Variants in ZNF718 observed in about 807,000 individuals in gnomAD.
The protein encoded by ZNF718 is zinc finger protein 718.
ZNF718 carries 3 observed loss-of-function variants against 2.6 expected under a neutral mutation model. The observed-to-expected ratio is 1.16, with a 90% CI of 0.53 to 3.01. ZNF718 has a LOEUF of 3.01. Among genes scored for constraint, ZNF718 ranks in the 30% most tolerant of loss-of-function variants. ZNF718 has a pLI of 0.03. For synonymous variants in ZNF718, 135 were observed against 77.9 expected (o/e 1.73, Z -3.86); for missense variants, 468 against 230.0 (o/e 2.03, Z -6.69).
intron 3 of ZNF718, among the ~76,000 whole-genome samples, chr4:170,166 A>G (rs1455055893): frequency 6.6e-6 from 1 of 152,228 alleles, no homozygotes; most frequent in Admixed American, 6.5e-5. Context: ...AAGAATGTTG[A>G]ATATTGGCCC....
chr4:144,944 AT>A (rs201228705), intron 3 of ZNF718, among the ~76,000 whole-genome samples: 27 of 149,900 alleles, frequency 1.8e-4, no homozygotes, highest in South Asian at 4.2e-4. Flanking sequence ...TTTGTGACAG[AT>A]TTTTTTTTTC....
At chr4:157,286 A>G (rs1716618173) in intron 3 of ZNF718, among the ~76,000 whole-genome samples, 1 of 150,796 alleles carries the variant, frequency 6.6e-6, no homozygotes, top group Admixed American at 6.6e-5. Context: ...CTAATTTTGT[A>G]TGTTTTTAGT....
intron 3 of ZNF718, among the ~76,000 whole-genome samples, chr4:137,410 A>T (rs144426600): frequency 6.7e-6 from 1 of 149,412 alleles, no homozygotes; most frequent in African/African-American, 2.5e-5. Context: ...GAATAACTTC[A>T]TTTTTTTTTT....
At chr4:172,638 G>A (rs1183941535) in intron 3 of ZNF718, among the ~76,000 whole-genome samples, 1 of 152,054 alleles carries the variant, frequency 6.6e-6, no homozygotes, top group Non-Finnish European at 1.5e-5. Context: ...AATAACTCTT[G>A]TCTATTATAG....
chr4:159,725 G>T (rs1389859619), intron 3 of ZNF718, among the ~76,000 whole-genome samples: 2 of 151,696 alleles, frequency 1.3e-5, no homozygotes, highest in African/African-American at 2.4e-5. Flanking sequence ...TTCACTCATT[G>T]AGCATTATTC....
chr4:195,080 C>T (rs113650514), intron 3 of ZNF718, among the ~76,000 whole-genome samples: 35,991 of 152,042 alleles, frequency 0.24, 4,554 homozygotes, highest in Non-Finnish European at 0.29. Flanking sequence ...CCTTTGTGCT[C>T]AGGGGTGAGT....
intron 3 of ZNF718, among the ~76,000 whole-genome samples, chr4:171,230 A>C (rs563876874): frequency 6.6e-6 from 1 of 152,086 alleles, no homozygotes; most frequent in Non-Finnish European, 1.5e-5. Flanking sequence ...GTACCCAGCC[A>C]TGTGAGGTGT....
Position 188,079 on chromosome 4 carries a change from T to C in ZNF718, c.227-13002T>C, listed in dbSNP as rs76422110. Among the ~76,000 whole-genome samples, 970 of 152,324 alleles carry C rather than the reference T, an allele frequency of 6.4e-3. 3 individuals are homozygous for C. Among genetic ancestry groups the C allele is most frequent in the Non-Finnish European group, 0.011 (747 of 68,038 alleles). On this transcript the variant is annotated intron_variant and NMD_transcript_variant, in intron 3 of 4. Coordinates refer to the ZNF718 transcript ENST00000642529. The stretch of plus-strand genomic sequence containing the variant: ...GGGAACCACCTTTGTCCCAGTCAGC[T>C]TGGACTCATAAGCTGGAATGGCTGA...
chr4:170,556 C>A (rs1263322685), intron 3 of ZNF718, among the ~76,000 whole-genome samples: 1 of 152,028 alleles, frequency 6.6e-6, no homozygotes, highest in Non-Finnish European at 1.5e-5. Flanking sequence ...TCTTTTTATT[C>A]TTTTTTCTCT....
intron 3 of ZNF718, among the ~76,000 whole-genome samples, chr4:159,698 A>G (rs1716739208): frequency 6.6e-6 from 1 of 151,610 alleles, no homozygotes; most frequent in South Asian, 2.1e-4. Context: ...GATTTTATAA[A>G]TTGTATATGT....
rs1448445767 is a variant in ZNF718 at position 124,505 on chromosome 4, T to C, written c.-166T>C. ...GCGGCATCCGGGATCTGGCGCGGCT[T>C]TTGCTTGTAGCTCCAGCCAGAGCTC... On this transcript the variant is annotated 5_prime_UTR_variant, in exon 1 of 4. Coordinates refer to ENST00000510175, the MANE Select transcript of ZNF718 (RefSeq NM_001039127.6). 5.2e-6 allele frequency: 5 copies of C among 954,576 alleles called. No individual in the cohort carries two copies. The highest frequency in any genetic ancestry group is 8.1e-6 in the Non-Finnish European group (5 of 614,070). The allele number at this position is 954,576 out of a possible 1,614,324, so 59.1% of individuals were successfully genotyped here. A position where few individuals can be genotyped will look rare whatever the true frequency, so the allele number is the denominator to read the frequency against.
At chr4:126,633 G>C (rs1417468211) in intron 1 of ZNF718, among the ~76,000 whole-genome samples, 1 of 151,920 alleles carries the variant, frequency 6.6e-6, no homozygotes, top group Non-Finnish European at 1.5e-5. Flanking sequence ...AAATTACTAG[G>C]TGAAATAATA....
intron 3 of ZNF718, among the ~76,000 whole-genome samples, chr4:147,302 A>G (rs1001281350): frequency 1.3e-5 from 2 of 152,170 alleles, no homozygotes; most frequent in Non-Finnish European, 2.9e-5. Flanking sequence ...TATTTGCCTG[A>G]TCCTTCATGA....
At chr4:196,704 G>A (rs1317089330) in intron 3 of ZNF718, among the ~76,000 whole-genome samples, 2 of 151,998 alleles carry the variant, frequency 1.3e-5, no homozygotes, top group African/African-American at 4.8e-5. Context: ...AGCTTCCCCA[G>A]GAAAATTGTG....
chr4:173,700 T>C (rs1553818554), intron 3 of ZNF718, among the ~76,000 whole-genome samples: 10 of 152,160 alleles, frequency 6.6e-5, no homozygotes, highest in Non-Finnish European at 1.5e-4. Context: ...TGTAGTTCAT[T>C]GGTGGGGCTA....
chr4:129,776 T>G (rs1715308029), intron 1 of ZNF718, among the ~76,000 whole-genome samples: 1 of 65,806 alleles, frequency 1.5e-5, no homozygotes, highest in Admixed American at 2.3e-4. Context: ...TTCTACGCAT[T>G]TAAAAAAAAA....
chr4:174,253 A>AC (rs1315098594), intron 3 of ZNF718, among the ~76,000 whole-genome samples: 1 of 152,138 alleles, frequency 6.6e-6, no homozygotes, highest in Non-Finnish European at 1.5e-5. Flanking sequence ...CACCACCCTG[A>AC]CCAATCTTCA....
intron 3 of ZNF718, chr4:149,894 T>C (rs555872707): frequency 6.6e-6 from 1 of 152,254 alleles, no homozygotes; most frequent in Non-Finnish European, 1.5e-5. Flanking sequence ...AAAAATAAAA[T>C]TGCCTTCTTA....
At chr4:151,156 G>A (rs749992768) in intron 3 of ZNF718, among the ~76,000 whole-genome samples, 25 of 152,156 alleles carry the variant, frequency 1.6e-4, no homozygotes, top group Non-Finnish European at 2.2e-4. Flanking sequence ...AGGCTGGAGT[G>A]TAGTGGTGTG....
Sources: allele counts gnomAD v4.1 joint callset (sites outside exome capture counted in the v4.1 genomes callset), GRCh38; gene constraint gnomAD v4.1.1; transcripts MANE v1.5; gene names NCBI Gene and HGNC (gene_info 2026-07-23, HGNC 2026-07-21).